RNGTT: variants seen among roughly 807,000 people sequenced by gnomAD.
The protein encoded by RNGTT is RNA guanylyltransferase and 5'-phosphatase.
In RNGTT, 33 loss-of-function variants were observed where a neutral mutation model predicts 79.3. The observed-to-expected ratio is 0.42, with a 90% CI of 0.32 to 0.56. The LOEUF (loss-of-function observed/expected upper bound fraction) is 0.56. RNGTT is among the 20% of genes least tolerant of loss of function. The pLI is 0.17. For missense variants in RNGTT, 497 were observed against 739.1 expected (o/e 0.67, Z 3.80); for synonymous variants, 222 against 235.9 (o/e 0.94, Z 0.54).
chr6:88,617,469 C>A (rs1269064402), intron 14 of RNGTT, among the ~76,000 whole-genome samples: 2 of 152,158 alleles, frequency 1.3e-5, no homozygotes, highest in Non-Finnish European at 2.9e-5. Context: ...AGTATTGGCG[C>A]CCTTGTGGCA....
At chr6:88,913,511 G>A (rs1783904106) in intron 4 of RNGTT, among the ~76,000 whole-genome samples, 1 of 152,086 alleles carries the variant, frequency 6.6e-6, no homozygotes. Context: ...CTAATTCACT[G>A]CTTCAAGCAA....
intron 13 of RNGTT, among the ~76,000 whole-genome samples, chr6:88,748,894 G>C (rs1210674312): frequency 1.3e-5 from 2 of 151,656 alleles, no homozygotes; most frequent in Non-Finnish European, 2.9e-5. Context: ...AATCCATACC[G>C]AGGCTCATCA....
chr6:88,962,774 T>G (rs949414717), intron 1 of RNGTT, among the ~76,000 whole-genome samples: 2 of 149,912 alleles, frequency 1.3e-5, no homozygotes, highest in African/African-American at 4.9e-5. Context: ...CTTTAATAAA[T>G]AAAAAAATTA....
chr6:88,814,465 C>G (rs1390311211), intron 11 of RNGTT, among the ~76,000 whole-genome samples: 1 of 151,774 alleles, frequency 6.6e-6, no homozygotes, highest in Non-Finnish European at 1.5e-5. Context: ...CCTTTTTTTC[C>G]TGGGAAAACT....
intron 13 of RNGTT, among the ~76,000 whole-genome samples, chr6:88,717,410 G>T (rs551307131): frequency 6.6e-6 from 1 of 152,156 alleles, no homozygotes; most frequent in East Asian, 1.9e-4. Context: ...CAAGAAATAC[G>T]CACCTATTTT....
chr6:88,754,405 T>C (rs1053778228), intron 13 of RNGTT, among the ~76,000 whole-genome samples: 2 of 152,164 alleles, frequency 1.3e-5, no homozygotes, highest in African/African-American at 4.8e-5. Context: ...TGAAACACTT[T>C]ACAGAGTAGA....
chr6:88,706,412 CT>C (rs1776131835), intron 13 of RNGTT, among the ~76,000 whole-genome samples: 1 of 151,954 alleles, frequency 6.6e-6, no homozygotes, highest in Non-Finnish European at 1.5e-5. Context: ...AAAAAAGACA[CT>C]GTAAATTTAT....
At chr6:88,636,020 C>G (rs1455906147) in intron 14 of RNGTT, among the ~76,000 whole-genome samples, 4 of 152,076 alleles carry the variant, frequency 2.6e-5, no homozygotes, top group African/African-American at 9.7e-5. Flanking sequence ...ATTTCTTCAG[C>G]TCCTGCTACT....
intron 11 of RNGTT, among the ~76,000 whole-genome samples, chr6:88,808,380 T>C (rs950265275): frequency 3.9e-5 from 6 of 152,060 alleles, no homozygotes; most frequent in Non-Finnish European, 7.4e-5. Flanking sequence ...CACAAAGATA[T>C]ATATCTAATA....
At chr6:88,858,870 C>A (rs1371197241) in intron 8 of RNGTT, among the ~76,000 whole-genome samples, 1 of 151,598 alleles carries the variant, frequency 6.6e-6, no homozygotes, top group African/African-American at 2.4e-5. Context: ...GTCCTTCAGA[C>A]AAGATAGAAT....
chr6:88,862,967 T>C (rs1280818550), intron 8 of RNGTT, among the ~76,000 whole-genome samples: 1 of 152,208 alleles, frequency 6.6e-6, no homozygotes, highest in East Asian at 1.9e-4. Context: ...CTTCAAAGAA[T>C]GAGCTCTTCT....
chr6:88,623,269 C>T (rs542626611), intron 14 of RNGTT, among the ~76,000 whole-genome samples: 5 of 152,228 alleles, frequency 3.3e-5, no homozygotes, highest in African/African-American at 9.6e-5. Flanking sequence ...AATGTCTCTA[C>T]AAGCCTTTGA....
chr6:88,786,375 A>G (rs960447565), intron 12 of RNGTT, among the ~76,000 whole-genome samples: 1 of 152,208 alleles, frequency 6.6e-6, no homozygotes, highest in Non-Finnish European at 1.5e-5. Context: ...TGTAAATTAA[A>G]CAATCTAATA....
At chr6:88,646,411 C>T (rs1307528047) in intron 14 of RNGTT, among the ~76,000 whole-genome samples, 1 of 152,196 alleles carries the variant, frequency 6.6e-6, no homozygotes, top group African/African-American at 2.4e-5. Context: ...TAAACTAGTT[C>T]AACCATTGTG....
chr6:88,806,560 C>T (rs1779962499), intron 11 of RNGTT, among the ~76,000 whole-genome samples: 1 of 152,198 alleles, frequency 6.6e-6, no homozygotes, highest in African/African-American at 2.4e-5. Flanking sequence ...CGTGATCTGC[C>T]TGCCTCGGCC....
intron 12 of RNGTT, among the ~76,000 whole-genome samples, chr6:88,779,885 T>TG (rs1215495507): frequency 6.6e-6 from 1 of 152,076 alleles, no homozygotes; most frequent in Non-Finnish European, 1.5e-5. Flanking sequence ...CCCAGCCACC[T>TG]GGGGGGGCCA....
At chr6:88,826,797 A>AT (rs1307433183) in intron 11 of RNGTT, among the ~76,000 whole-genome samples, 104 of 119,666 alleles carry the variant, frequency 8.7e-4, no homozygotes, top group African/African-American at 2.9e-3. Flanking sequence ...AGAAAAAAAA[A>AT]AAATATATAT....
At chr6:88,951,005 C>G (rs1421106332) in intron 1 of RNGTT, among the ~76,000 whole-genome samples, 9 of 151,942 alleles carry the variant, frequency 5.9e-5, no homozygotes, top group African/African-American at 1.7e-4. Flanking sequence ...TTTACAGGTG[C>G]CTGCCACCAT....
intron 14 of RNGTT, among the ~76,000 whole-genome samples, chr6:88,633,981 A>G (rs1225579326): frequency 6.6e-6 from 1 of 152,206 alleles, no homozygotes; most frequent in Non-Finnish European, 1.5e-5. Context: ...ATTGCATCAT[A>G]TTCATCACAT....
Sources: allele counts gnomAD v4.1 joint callset (sites outside exome capture counted in the v4.1 genomes callset), GRCh38; gene constraint gnomAD v4.1.1; transcripts MANE v1.5; gene names NCBI Gene and HGNC (gene_info 2026-07-23, HGNC 2026-07-21).